Variants in TBC1D14 observed in about 807,000 individuals in gnomAD.
TBC1D14 encodes TBC1 domain family member 14, also known as TBC1 domain family, member 14.
Under a neutral mutation model 79.0 loss-of-function variants are expected in TBC1D14, and 26 were observed. The ratio of observed to expected loss-of-function variants is 0.33; its 90% CI spans 0.24 to 0.46. The LOEUF (loss-of-function observed/expected upper bound fraction) is 0.46. Among genes scored for constraint, TBC1D14 ranks in the 20% least tolerant of loss-of-function variants. TBC1D14 has a pLI of 1.00. For missense variants in TBC1D14, 769 were observed against 887.6 expected (o/e 0.87, Z 1.70); for synonymous variants, 394 against 349.9 (o/e 1.13, Z -1.40).
At chr4:7,013,122 T>C (rs777034597) in intron 11 of TBC1D14, among the ~76,000 whole-genome samples, 20 of 152,202 alleles carry the variant, frequency 1.3e-4, no homozygotes, top group Non-Finnish European at 2.2e-4. Context: ...AGAGTCATAA[T>C]GTTGAGTGGG....
rs762979993 is a variant in TBC1D14, at chr4:6,999,102, C to T, written c.1063C>T (p.Arg355Ter). The change falls in exon 6 of 14, where the codon CGA (arginine) becomes TGA (stop). Residue 355 changes from arginine to a stop codon, truncating the protein, a stop_gained. Coordinates refer to ENST00000409757, the MANE Select transcript of TBC1D14 (RefSeq NM_020773.3). LOFTEE classifies it high-confidence loss of function. ...ATTTCTAGAGCTGAAAGAAGCCCAG[C>T]GAAGGAAGAAGCAGCTGGAAGAAAG... ...AKKRELKEAQ[R>*]RKKQLEERCR... 2 of 1,613,986 alleles carry T rather than the reference C, an allele frequency of 1.2e-6. No homozygotes were observed. Among genetic ancestry groups the T allele is most frequent in the South Asian group, 1.1e-5 (1 of 91,068 alleles).
At chr4:6,996,606 A>G (rs1034776986) in intron 5 of TBC1D14, among the ~76,000 whole-genome samples, 199 bp downstream of exon 5, 10 of 150,942 alleles carry the variant, frequency 6.6e-5, no homozygotes, top group African/African-American at 2.4e-4. Flanking sequence ...GCGTGGGCGG[A>G]CTGCAGGGAC....
chr4:7,030,082 G>T (rs183539084), intron 13 of TBC1D14, among the ~76,000 whole-genome samples: 151 of 152,292 alleles, frequency 9.9e-4, no homozygotes, highest in African/African-American at 3.4e-3. Context: ...GCTGTGCTTT[G>T]ACGTGGATTC....
intron 2 of TBC1D14, among the ~76,000 whole-genome samples, chr4:6,962,260 G>A (rs942331558): frequency 7.2e-5 from 11 of 152,128 alleles, no homozygotes; most frequent in Non-Finnish European, 1.0e-4. Flanking sequence ...TGTGCATATC[G>A]GGGTAGTGGG....
At chr4:6,953,397 G>A (rs1156824056) in intron 2 of TBC1D14, among the ~76,000 whole-genome samples, 2 of 136,158 alleles carry the variant, frequency 1.5e-5, no homozygotes, top group African/African-American at 2.6e-5. Flanking sequence ...CGAGGCGGGC[G>A]GATCACGAGG....
chr4:6,959,649 C>A (rs1037938277), intron 2 of TBC1D14, among the ~76,000 whole-genome samples: 2 of 152,208 alleles, frequency 1.3e-5, no homozygotes, highest in Non-Finnish European at 1.5e-5. Context: ...CTCTCAGGAT[C>A]CATTTTTGAG....
At chr4:6,999,651 C>T (rs2109190842) in intron 6 of TBC1D14, among the ~76,000 whole-genome samples, 1 of 152,256 alleles carries the variant, frequency 6.6e-6, no homozygotes, top group Middle Eastern at 3.4e-3. Context: ...TGGGGCCTCG[C>T]ATGTTCCAGG....
intron 4 of TBC1D14, among the ~76,000 whole-genome samples, chr4:6,996,082 T>C (rs746193041): frequency 2.6e-5 from 4 of 152,164 alleles, no homozygotes; most frequent in Non-Finnish European, 4.4e-5. Context: ...GTGATCCGCC[T>C]GCCTCGGCCT....
intron 1 of TBC1D14, among the ~76,000 whole-genome samples, chr4:6,921,529 ATTTTTTT>A (rs776829945): frequency 3.9e-4 from 59 of 150,424 alleles, no homozygotes; most frequent in Non-Finnish European, 7.0e-4. Context: ...TTTATTTTTT[ATTTTTTT>A]ATTTTTTGAA....
rs1375335405 is a variant in TBC1D14, at chr4:7,032,122, A to C, written c.*1730A>C. The C allele has an allele frequency of 6.7e-6, 1 of 150,126 alleles. No homozygotes were observed. The highest frequency in any genetic ancestry group is 1.5e-5 in the Non-Finnish European group (1 of 67,526). The allele number at this position is 150,126 out of a possible 1,614,324, so 9.3% of individuals were successfully genotyped here. ...TTTCTGCCTCGGCCTTTAAATGCTG[A>C]CTCACCTCCTCTCGGAGGAGGCGTC... On this transcript the variant is annotated 3_prime_UTR_variant, in exon 14 of 14. Coordinates refer to ENST00000409757, the MANE Select transcript of TBC1D14 (RefSeq NM_020773.3).
chr4:7,004,350 G>T (rs539698951), intron 7 of TBC1D14, among the ~76,000 whole-genome samples: 2 of 152,240 alleles, frequency 1.3e-5, no homozygotes, highest in Non-Finnish European at 2.9e-5. Context: ...GCAGCAAGAC[G>T]AGGCCTGTGC....
At chr4:6,930,210 G>A (rs906682051) in intron 2 of TBC1D14, among the ~76,000 whole-genome samples, 1 of 152,210 alleles carries the variant, frequency 6.6e-6, no homozygotes, top group African/African-American at 2.4e-5. Context: ...GCTCCTTGGT[G>A]GGAAGACGGT....
At chr4:6,936,545 G>A (rs1046553831) in intron 2 of TBC1D14, among the ~76,000 whole-genome samples, 1 of 152,190 alleles carries the variant, frequency 6.6e-6, no homozygotes, top group African/African-American at 2.4e-5. Context: ...GGACATCTTA[G>A]TTGCTTCCAA....
intron 8 of TBC1D14, among the ~76,000 whole-genome samples, chr4:7,005,475 C>G (rs1720090709): frequency 6.6e-6 from 1 of 152,160 alleles, no homozygotes; most frequent in Non-Finnish European, 1.5e-5. Context: ...GTGGAGGTTG[C>G]AGGGAGCCAA....
At chr4:6,956,353 A>C (rs1171563019) in intron 2 of TBC1D14, among the ~76,000 whole-genome samples, 2 of 152,162 alleles carry the variant, frequency 1.3e-5, no homozygotes, top group African/African-American at 4.8e-5. Context: ...CTGTGGCCAC[A>C]TCTTCTATTC....
intron 3 of TBC1D14, among the ~76,000 whole-genome samples, chr4:6,979,511 G>T (rs993148836): frequency 6.6e-6 from 1 of 152,014 alleles, no homozygotes; most frequent in Admixed American, 6.6e-5. Context: ...GTCCTAGCTG[G>T]TCAAGAGACT....
chr4:6,978,051 C>T (rs1448162358), intron 3 of TBC1D14, among the ~76,000 whole-genome samples: 1 of 151,862 alleles, frequency 6.6e-6, no homozygotes, highest in Non-Finnish European at 1.5e-5. Flanking sequence ...CCGGCAGCCA[C>T]CCCGTCTGGG....
intron 2 of TBC1D14, among the ~76,000 whole-genome samples, chr4:6,933,395 C>T (rs1329798927): frequency 1.3e-5 from 2 of 150,412 alleles, no homozygotes; most frequent in African/African-American, 4.9e-5. Flanking sequence ...GACTTGAACT[C>T]CCAGGCTCAA....
At chr4:6,974,914 T>C (rs956139264) in intron 3 of TBC1D14, among the ~76,000 whole-genome samples, 5 of 152,182 alleles carry the variant, frequency 3.3e-5, no homozygotes, top group Non-Finnish European at 7.4e-5. Flanking sequence ...TGTTTTTGTT[T>C]TGTTTTGTTT....
Sources: allele counts gnomAD v4.1 joint callset (sites outside exome capture counted in the v4.1 genomes callset), GRCh38; gene constraint gnomAD v4.1.1; transcripts MANE v1.5; gene names NCBI Gene and HGNC (gene_info 2026-07-23, HGNC 2026-07-21).